The following WDR7 variants were observed in gnomAD, a reference collection of about 807,000 sequenced individuals.
WDR7 encodes WD repeat domain 7, also known as WD repeat-containing protein 7.
A neutral mutation model predicts 169.4 loss-of-function variants in WDR7; 46 were observed. The observed-to-expected ratio is 0.27, with a 90% CI of 0.21 to 0.35. The LOEUF is 0.35. Ranked by LOEUF, WDR7 falls within the 10% of genes least tolerant of loss-of-function variation. The pLI is 1.00. For synonymous variants in WDR7, 612 were observed against 666.8 expected, an observed-to-expected ratio of 0.92 and a Z score of 1.27; for missense variants, 1,534 against 1,859.3, an observed-to-expected ratio of 0.83 and a Z score of 3.22.
chr18:57,010,236 T>C (rs568437530), intron 26 of WDR7: 1 of 985,356 alleles, frequency 1.0e-6, no homozygotes, highest in Non-Finnish European at 1.2e-6. Context: ...TGCCCAGATC[T>C]GAAGAAAACA....
intron 16 of WDR7, among the ~76,000 whole-genome samples, chr18:56,761,153 G>A (rs1448708922): frequency 3.3e-5 from 5 of 150,934 alleles, no homozygotes; most frequent in African/African-American, 9.8e-5. Context: ...GGGACTATAG[G>A]TGCACACCAC....
At chr18:56,702,273 T>G (rs1418458519) in intron 12 of WDR7, among the ~76,000 whole-genome samples, 2 of 152,228 alleles carry the variant, frequency 1.3e-5, no homozygotes, top group Admixed American at 1.3e-4. Flanking sequence ...ATCGTTCTCC[T>G]TTTATTATAG....
chr18:56,929,421 CAATA>C (rs1050610860), intron 22 of WDR7, among the ~76,000 whole-genome samples: 1 of 152,144 alleles, frequency 6.6e-6, no homozygotes, highest in Non-Finnish European at 1.5e-5. Flanking sequence ...GATTTGCACA[CAATA>C]AATGTTGAAT....
intron 27 of WDR7, among the ~76,000 whole-genome samples, chr18:57,024,091 T>C (rs1309509099): frequency 6.6e-6 from 1 of 152,192 alleles, no homozygotes; most frequent in Non-Finnish European, 1.5e-5. Context: ...TTTACCAAAA[T>C]TTTAACAGTG....
intron 19 of WDR7, among the ~76,000 whole-genome samples, chr18:56,804,928 T>G (rs1437671793): frequency 6.6e-6 from 1 of 152,154 alleles, no homozygotes; most frequent in Admixed American, 6.5e-5. Context: ...ATTTCTGATG[T>G]TTAAGGCAGC....
intron 14 of WDR7, among the ~76,000 whole-genome samples, chr18:56,740,483 T>TA (rs141904433): frequency 0.032 from 4,934 of 152,148 alleles, 268 homozygotes; most frequent in African/African-American, 0.11. Context: ...ACATTGTAGG[T>TA]AAAAAAAGTA....
chr18:56,783,853 G>A (rs2044355117), intron 19 of WDR7, among the ~76,000 whole-genome samples: 1 of 152,144 alleles, frequency 6.6e-6, no homozygotes, highest in Non-Finnish European at 1.5e-5. Flanking sequence ...TTATTCCTGG[G>A]AAGAAGAGAA....
intron 26 of WDR7, among the ~76,000 whole-genome samples, chr18:56,971,711 G>T (rs1399595464): frequency 6.6e-6 from 1 of 152,138 alleles, no homozygotes; most frequent in Non-Finnish European, 1.5e-5. Flanking sequence ...GAGGGGAAGG[G>T]CAAGGGACAT....
chr18:56,716,789 A>G (rs1332434022), intron 12 of WDR7, among the ~76,000 whole-genome samples: 1 of 152,216 alleles, frequency 6.6e-6, no homozygotes, highest in Non-Finnish European at 1.5e-5. Context: ...TTACAGTCAC[A>G]GCATTCTAAA....
intron 25 of WDR7, among the ~76,000 whole-genome samples, chr18:56,956,618 G>A (rs1215059928): frequency 1.3e-5 from 2 of 152,102 alleles, no homozygotes; most frequent in South Asian, 2.1e-4. Context: ...CATGTACATT[G>A]CTCCACTGTA....
rs2046023190 is a variant in WDR7, at chr18:56,876,462, ACC to A, written c.3305-3481_3305-3480del. On this transcript the variant is annotated intron_variant, in intron 20 of 27. Coordinates refer to ENST00000254442, the MANE Select transcript of WDR7 (RefSeq NM_015285.3). ...AGGCTCAAAAAAGATATCTCTGTGG[ACC>A]AGTAATGAAATAGAAATGTAATGAT... Among the ~76,000 whole-genome samples, 6 of 152,204 alleles carry A rather than the reference ACC, an allele frequency of 3.9e-5. No individual in the cohort carries two copies. In the South Asian group the frequency reaches 1.2e-3, roughly 32 times the overall value.
chr18:56,763,905 ACT>A (rs911435528), intron 16 of WDR7, among the ~76,000 whole-genome samples: 1 of 149,650 alleles, frequency 6.7e-6, no homozygotes, highest in Non-Finnish European at 1.5e-5. Context: ...AATTATATTC[ACT>A]CTTTCATTTC....
intron 20 of WDR7, among the ~76,000 whole-genome samples, chr18:56,842,020 TATC>T (rs2045494342): frequency 6.6e-6 from 1 of 152,218 alleles, no homozygotes; most frequent in Non-Finnish European, 1.5e-5. Flanking sequence ...GGAAGGAACA[TATC>T]ATACTCAATG....
chr18:56,698,398 A>T (rs2144653017), intron 12 of WDR7, among the ~76,000 whole-genome samples: 1 of 152,112 alleles, frequency 6.6e-6, no homozygotes, highest in East Asian at 1.9e-4. Flanking sequence ...CGAGGTCAGG[A>T]GATCAAGACC....
At chr18:56,967,922 C>CA (rs919770439) in intron 26 of WDR7, among the ~76,000 whole-genome samples, 5 of 151,268 alleles carry the variant, frequency 3.3e-5, no homozygotes, top group Admixed American at 6.6e-5. Context: ...GAATAATGAC[C>CA]AAAAAAAAGT....
At chr18:56,682,215 C>T (rs1422654016) in intron 4 of WDR7, among the ~76,000 whole-genome samples, 1 of 152,156 alleles carries the variant, frequency 6.6e-6, no homozygotes, top group Non-Finnish European at 1.5e-5. Flanking sequence ...AATCATCCTT[C>T]TAAATTGTAT....
At chr18:56,882,099 A>G (rs527927355) in intron 21 of WDR7, among the ~76,000 whole-genome samples, 1 of 152,114 alleles carries the variant, frequency 6.6e-6, no homozygotes, top group East Asian at 1.9e-4. Context: ...ACTGGCTCCT[A>G]CCTCCCCACT....
Position 56,756,570 on chromosome 18 carries a change from A to T in WDR7, c.1990-13A>T, listed in dbSNP as rs1479905457. The T allele has an allele frequency of 3.2e-6, 5 of 1,544,218 alleles. No individual in the cohort carries two copies. Among genetic ancestry groups the T allele is most frequent in the Non-Finnish European group, 4.4e-6 (5 of 1,148,548 alleles). Reference sequence around the variant, plus strand: ...TTTTAATTATAACTATCTTTTAAAAATATTTATTACAGGGAAATTTACCTA... The same window carrying T: ...TTTTAATTATAACTATCTTTTAAAATTATTTATTACAGGGAAATTTACCTA... On this transcript the variant is annotated splice_polypyrimidine_tract_variant and intron_variant, in intron 14 of 27. Transcript: ENST00000254442.
intron 12 of WDR7, among the ~76,000 whole-genome samples, chr18:56,698,664 T>A (rs988309801): frequency 6.6e-6 from 1 of 152,116 alleles, no homozygotes; most frequent in Admixed American, 6.6e-5. Context: ...TTTGACTATT[T>A]GTATTTAAAA....
Sources: allele counts gnomAD v4.1 joint callset (sites outside exome capture counted in the v4.1 genomes callset), GRCh38; gene constraint gnomAD v4.1.1; transcripts MANE v1.5; gene names NCBI Gene and HGNC (gene_info 2026-07-23, HGNC 2026-07-21).